Variants in ZBTB46 observed in about 807,000 individuals in gnomAD.
ZBTB46 encodes the protein zinc finger and BTB domain-containing protein 46.
ZBTB46 carries 8 observed loss-of-function variants against 44.1 expected under a neutral mutation model. That is an observed-to-expected ratio of 0.18 (90% confidence interval 0.11 to 0.33). The LOEUF (loss-of-function observed/expected upper bound fraction) is 0.33, where lower values mean the gene tolerates loss of function less well. Among genes scored for constraint, ZBTB46 ranks in the 10% least tolerant of loss-of-function variants. ZBTB46 has a pLI of 1.00. For missense variants in ZBTB46, 651 were observed against 847.7 expected (o/e 0.77, Z 2.88); for synonymous variants, 409 against 382.3 (o/e 1.07, Z -0.81).
intron 1 of ZBTB46, among the ~76,000 whole-genome samples, chr20:63,826,454 G>A (rs897889348): frequency 6.6e-6 from 1 of 152,130 alleles, no homozygotes; most frequent in Admixed American, 6.5e-5. Flanking sequence ...TGGGCACGGT[G>A]GCTCATGCCT....
rs371851632 is a variant in ZBTB46 at position 63,767,775 on chromosome 20, G to C, written c.1222+7903C>G. 5.5e-4 allele frequency: 369 copies of C among 672,408 alleles called. 9 individuals carry two copies. In the South Asian group the frequency reaches 0.022, roughly 39 times the overall value. 41.7% of individuals were successfully genotyped at this position (672,408 alleles called of 1,614,324 possible). A position where few individuals can be genotyped will look rare whatever the true frequency, so the allele number is the denominator to read the frequency against. ...TCAGCGCCCAAGGAGCTCCAGGCGA[G>C]GCCAAGCCGTCCTGGCACTGGCTGC... On this transcript the variant is annotated intron_variant, in intron 3 of 4. Coordinates refer to ENST00000245663, the MANE Select transcript of ZBTB46 (RefSeq NM_001369741.1). The surrounding 1 kb of genome is among the most constrained non-coding windows in gnomAD (Gnocchi z 5.0).
intron 3 of ZBTB46, among the ~76,000 whole-genome samples, chr20:63,760,477 T>A (rs965653339): frequency 2.0e-5 from 3 of 152,160 alleles, no homozygotes; most frequent in East Asian, 3.8e-4. Context: ...TTTTGTTTTT[T>A]TTTTTTGAGA....
rs1211980396 is a variant in ZBTB46 at position 63,745,208 on chromosome 20, C to T, written c.*1722G>A. On this transcript the variant is annotated 3_prime_UTR_variant, in exon 5 of 5. Coordinates refer to ENST00000245663, the MANE Select transcript of ZBTB46 (RefSeq NM_001369741.1). ...CAGCGCTTGGCCCGGCTCCTATCCC[C>T]ACACTCCGTGTGCAGAAAAATCTTG... 1.3e-5 allele frequency: 2 copies of T among 152,256 alleles called. No individual in the cohort carries two copies. Among genetic ancestry groups the T allele is most frequent in the African/African-American group, 4.8e-5 (2 of 41,440 alleles). The allele number at this position is 152,256 out of a possible 1,614,324, so 9.4% of individuals were successfully genotyped here. A position where few individuals can be genotyped will look rare whatever the true frequency, so the allele number is the denominator to read the frequency against.
chr20:63,794,966 G>C (rs2092589738), intron 1 of ZBTB46, among the ~76,000 whole-genome samples: 1 of 151,898 alleles, frequency 6.6e-6, no homozygotes, highest in Non-Finnish European at 1.5e-5. Flanking sequence ...TGCCCCTTCA[G>C]AGAGGAGCTC....
chr20:63,769,482 G>A (rs952720677), intron 3 of ZBTB46: 31 of 977,486 alleles, frequency 3.2e-5, no homozygotes, highest in East Asian at 1.1e-4. Context: ...CCCGGCATGC[G>A]GTGTGAGCCC....
intron 1 of ZBTB46, among the ~76,000 whole-genome samples, chr20:63,829,686 C>T (rs1048051469): frequency 6.6e-6 from 1 of 152,228 alleles, no homozygotes; most frequent in Admixed American, 6.5e-5. Flanking sequence ...AAAGGTTCTA[C>T]TCTGATAAAT....
chr20:63,760,492 G>C (rs575777054), intron 3 of ZBTB46, among the ~76,000 whole-genome samples: 169 of 151,096 alleles, frequency 1.1e-3, no homozygotes, highest in African/African-American at 3.5e-3. Flanking sequence ...TTGAGACAGA[G>C]TCTCACTCTG....
chr20:63,795,902 A>G (rs1375070613), intron 1 of ZBTB46, among the ~76,000 whole-genome samples: 2 of 152,132 alleles, frequency 1.3e-5, no homozygotes, highest in Non-Finnish European at 2.9e-5. Context: ...CCTCTCTCCA[A>G]CAGACTCCCG....
At chr20:63,830,592 G>A (rs926925780) in intron 1 of ZBTB46, among the ~76,000 whole-genome samples, 4 of 150,194 alleles carry the variant, frequency 2.7e-5, no homozygotes, top group Admixed American at 1.3e-4. Context: ...ACTCGGCGCG[G>A]GCGGCTCCGG....
Position 63,790,246 on chromosome 20 carries a change from A to G in ZBTB46, c.512T>C (p.Leu171Pro), listed in dbSNP as rs1475525683. The G allele has an allele frequency of 6.2e-7, 1 of 1,611,402 alleles. No individual in the cohort carries two copies. Among genetic ancestry groups the G allele is most frequent in the Admixed American group, 1.7e-5 (1 of 59,882 alleles). ...VMAGRSISPWLARRTSPANSS... is the reference protein window; with the variant it reads ...VMAGRSISPWPARRTSPANSS... Reference sequence around the variant, plus strand: ...ATTGGCAGGACTCGTTCGCCGTGCCAGCCACGGGGAGATGCTCCTCCCAGC... The same window carrying G: ...ATTGGCAGGACTCGTTCGCCGTGCCGGCCACGGGGAGATGCTCCTCCCAGC... Residue 171 changes from leucine to proline, a missense_variant, in exon 2 of 5, where the codon CTG (leucine) becomes CCG (proline). By Grantham distance (98) the Leu-to-Pro change is moderately conservative. Around this residue, in one of 5 missense-constraint regions of ZBTB46, gnomAD observed 385 missense variants for 423.3 expected, o/e 0.91. Coordinates refer to ENST00000245663, the MANE Select transcript of ZBTB46 (RefSeq NM_001369741.1).
rs1193813037 is a variant in ZBTB46, at chr20:63,803,796, C to T, written c.-33-13006G>A. On this transcript the variant is annotated intron_variant, in intron 1 of 4. Transcript: ENST00000245663. The surrounding 1 kb of genome is among the most constrained non-coding windows in gnomAD (Gnocchi z 4.0). ...AATCTCGGCTCACTGCAGCCTCAAC[C>T]TCCCAGGCTCAAGGCATCCTCCCAC... is the stretch of plus-strand genomic sequence containing the variant. Among the ~76,000 whole-genome samples the T allele has an allele frequency of 6.6e-6, 1 of 152,210 alleles. No individual in the cohort carries two copies. Among genetic ancestry groups the T allele is most frequent in the East Asian group, 1.9e-4 (1 of 5,200 alleles).
chr20:63,768,812 G>A lies in ZBTB46; in HGVS notation c.1222+6866C>T, dbSNP rs1162349619. ...AGGGCTCTGTGAGGCTCGGACTGGG[G>A]CAGTGGCCTCCGAGTCGGGGGTTGG... On this transcript the variant is annotated intron_variant, in intron 3 of 4. Transcript: ENST00000245663. 2.6e-5 allele frequency among the ~76,000 whole-genome samples: 4 copies of A among 152,144 alleles called. No individual in the cohort carries two copies. The East Asian group carries it at 7.7e-4, about 29-fold the overall frequency.
intron 2 of ZBTB46, chr20:63,788,077 TC>T (rs1025561126): frequency 3.3e-5 from 5 of 152,310 alleles, no homozygotes; most frequent in Admixed American, 6.5e-5. Context: ...TGGAGGAACC[TC>T]CCCACGGGCA....
At chr20:63,774,072 CA>C in intron 3 of ZBTB46, among the ~76,000 whole-genome samples, 3 of 71,190 alleles carry the variant, frequency 4.2e-5, no homozygotes, top group African/African-American at 1.8e-4. Flanking sequence ...CCCCCCCCCC[CA>C]GTTTTTCAGA....
intron 3 of ZBTB46, among the ~76,000 whole-genome samples, chr20:63,756,221 T>C (rs989865874): frequency 3.3e-5 from 5 of 152,192 alleles, no homozygotes; most frequent in African/African-American, 1.2e-4. Context: ...CTGTCCTAAA[T>C]AGCCACTGTA....
chr20:63,803,833 G>A lies in ZBTB46; in HGVS notation c.-33-13043C>T, dbSNP rs1316491476. ...AGGCATCCTCCCACATCAGCCTCCT[G>A]AGCAGCTGGGACCACAGGGGCACGC... On this transcript the variant is annotated intron_variant, in intron 1 of 4. Coordinates refer to ENST00000245663, the MANE Select transcript of ZBTB46 (RefSeq NM_001369741.1). The surrounding 1 kb of genome is among the most constrained non-coding windows in gnomAD (Gnocchi z 4.0). Among the ~76,000 whole-genome samples, 1 of 152,138 alleles carries A rather than the reference G, an allele frequency of 6.6e-6. No individual in the cohort carries two copies. The highest frequency in any genetic ancestry group is 2.4e-5 in the African/African-American group (1 of 41,416).
chr20:63,819,129 C>T (rs1486234087), intron 1 of ZBTB46, among the ~76,000 whole-genome samples: 24 of 152,046 alleles, frequency 1.6e-4, no homozygotes, highest in East Asian at 5.8e-4. Flanking sequence ...GCTGAGATCG[C>T]GCCACTGCAC....
chr20:63,766,204 C>A (rs1359000358), intron 3 of ZBTB46, among the ~76,000 whole-genome samples: 5 of 120,418 alleles, frequency 4.2e-5, no homozygotes, highest in African/African-American at 1.6e-4. Context: ...GCTGAGAGAT[C>A]CTTTTTTTTT....
At chr20:63,805,515 G>A (rs1308865830) in intron 1 of ZBTB46, among the ~76,000 whole-genome samples, 1 of 152,134 alleles carries the variant, frequency 6.6e-6, no homozygotes, top group Non-Finnish European at 1.5e-5. Flanking sequence ...GTGACCACAG[G>A]CAGAAACTGG....
Sources: gnomAD v4.1 joint callset for allele counts (sites outside exome capture counted in the v4.1 genomes callset) on GRCh38, gnomAD v4.1.1 for gene constraint, gnomAD v4.1.1 regional missense constraint, Gnocchi (gnomAD v3.1) non-coding constraint, MANE v1.5 for transcripts, NCBI Gene and HGNC (gene_info 2026-07-23, HGNC 2026-07-21) for gene names.